Variants in ARMH1 observed in about 807,000 individuals in gnomAD.
The protein encoded by ARMH1 is armadillo like helical domain containing 1.
Under a neutral mutation model 50.2 loss-of-function variants are expected in ARMH1, and 34 were observed. The ratio of observed to expected loss-of-function variants is 0.68; its 90% CI spans 0.51 to 0.90. ARMH1 has a LOEUF of 0.90. Among genes scored for constraint, ARMH1 ranks in the 40% least tolerant of loss-of-function variants. The pLI, the probability that ARMH1 is intolerant of heterozygous loss-of-function variation, is 0.00. For missense variants in ARMH1, 538 were observed against 553.9 expected (o/e 0.97, Z 0.29); for synonymous variants, 221 against 224.2 (o/e 0.99, Z 0.13).
chr1:44,709,498 C>T (rs547389483), intron 6 of ARMH1, among the ~76,000 whole-genome samples: 2 of 152,082 alleles, frequency 1.3e-5, no homozygotes, highest in South Asian at 2.1e-4. Context: ...CGGTGAAACC[C>T]CATCTCTACT....
intron 1 of ARMH1, among the ~76,000 whole-genome samples, chr1:44,677,352 T>G (rs1573261792): frequency 6.6e-6 from 1 of 152,174 alleles, no homozygotes; most frequent in Non-Finnish European, 1.5e-5. Flanking sequence ...TACACAGAGG[T>G]TAGTTTAATT....
rs558961615 is a variant in ARMH1, at chr1:44,677,870, G to A, written c.-23+2997G>A. Reference sequence around the variant, plus strand: ...AAGTAGTAAGGGCTTTTACAAGAAGGAGGTGGAATAAGGAACTGAGTTGGG... The same window carrying A: ...AAGTAGTAAGGGCTTTTACAAGAAGAAGGTGGAATAAGGAACTGAGTTGGG... On this transcript the variant is annotated intron_variant, in intron 1 of 11. Transcript: ENST00000535358. Among the ~76,000 whole-genome samples the A allele has an allele frequency of 3.3e-5, 5 of 152,302 alleles. No individual in the cohort carries two copies. The South Asian group carries it at 1.0e-3, about 32-fold the overall frequency.
intron 6 of ARMH1, among the ~76,000 whole-genome samples, chr1:44,718,420 A>T (rs1354234460): frequency 6.6e-6 from 1 of 152,260 alleles, no homozygotes; most frequent in Non-Finnish European, 1.5e-5. Context: ...ATGGTAGAAC[A>T]AGTGAGAAAT....
Position 44,678,457 on chromosome 1 carries a change from G to C in ARMH1, c.-23+3584G>C, listed in dbSNP as rs547879642. Among the ~76,000 whole-genome samples, 3 of 152,184 alleles carry C rather than the reference G, an allele frequency of 2.0e-5. No homozygotes were observed. In the East Asian group the frequency reaches 5.8e-4, roughly 29 times the overall value. On this transcript the variant is annotated intron_variant, in intron 1 of 11. Coordinates refer to ENST00000535358, the MANE Select transcript of ARMH1 (RefSeq NM_001145636.2). ...GAAGTGATGAGTAGCAGGGGTAGGG[G>C]TATCTGCCAGGGTATGACTGGGGAG...
intron 4 of ARMH1, among the ~76,000 whole-genome samples, chr1:44,700,024 T>C (rs980110306): frequency 6.6e-6 from 1 of 151,792 alleles, no homozygotes; most frequent in Non-Finnish European, 1.5e-5. Context: ...CAGACAGGGT[T>C]TCACCATGTT....
At chr1:44,710,556 C>G (rs1375280225) in intron 6 of ARMH1, among the ~76,000 whole-genome samples, 1 of 144,148 alleles carries the variant, frequency 6.9e-6, no homozygotes, top group Non-Finnish European at 1.5e-5. Context: ...TTGCAGTGAG[C>G]CGAGATCATG....
At chr1:44,721,564 T>TA (rs959683616) in intron 6 of ARMH1, among the ~76,000 whole-genome samples, 11 of 151,812 alleles carry the variant, frequency 7.2e-5, no homozygotes, top group African/African-American at 2.2e-4. Flanking sequence ...TACAAGAAGC[T>TA]AAAAAAACAT....
chr1:44,676,841 T>C (rs1386386905), intron 1 of ARMH1, among the ~76,000 whole-genome samples: 2 of 152,192 alleles, frequency 1.3e-5, no homozygotes, highest in East Asian at 3.8e-4. Context: ...AAACACAGGT[T>C]TTTATTCGGA....
chr1:44,721,909 T>G (rs557441009), intron 6 of ARMH1: 3 of 152,236 alleles, frequency 2.0e-5, no homozygotes, highest in Admixed American at 6.5e-5. Flanking sequence ...GATCTGCCTG[T>G]TAGCCTTTTG....
chr1:44,722,764 TTAC>T (rs1279741723), intron 6 of ARMH1, among the ~76,000 whole-genome samples: 1 of 142,954 alleles, frequency 7.0e-6, no homozygotes, highest in Non-Finnish European at 1.5e-5. Flanking sequence ...ATACTAGCAT[TTAC>T]TGGCTGGGCC....
At chr1:44,721,689 A>C (rs767536083) in intron 6 of ARMH1, 3 of 151,712 alleles carry the variant, frequency 2.0e-5, no homozygotes, top group African/African-American at 4.8e-5. Flanking sequence ...CGACCACACC[A>C]CTCCGCTACA....
At chr1:44,698,553 G>A (rs1645906357) in intron 4 of ARMH1, among the ~76,000 whole-genome samples, 1 of 152,136 alleles carries the variant, frequency 6.6e-6, no homozygotes. Flanking sequence ...GCTCACACCT[G>A]TAATCCCAGC....
Position 44,698,185 on chromosome 1 carries a change from C to T in ARMH1, c.398C>T (p.Ala133Val), listed in dbSNP as rs746186542. The T allele has an allele frequency of 5.8e-6, 9 of 1,552,058 alleles. No individual in the cohort carries two copies. The Admixed American group carries it at 9.8e-5, about 17-fold the overall frequency. Residue 133 changes from alanine to valine, a missense_variant, in exon 4 of 12, where the codon GCG becomes GTG. Transcript: ENST00000535358. The stretch of plus-strand genomic sequence containing the variant: ...TCTGTCAAACTACTTCAGGTTATTG[C>T]GAACTCTGGCAGGACATACAAGGAA... ...KESVKLLQVIANSGRTYKELI... is the reference protein window; with the variant it reads ...KESVKLLQVIVNSGRTYKELI...
At chr1:44,709,232 C>T (rs111555911) in intron 6 of ARMH1, among the ~76,000 whole-genome samples, 1 of 152,180 alleles carries the variant, frequency 6.6e-6, no homozygotes, top group African/African-American at 2.4e-5. Flanking sequence ...GCTTGTTTCT[C>T]CTGTTTCTCT....
chr1:44,688,361 T>G (rs1470209799), intron 1 of ARMH1: 2 of 152,250 alleles, frequency 1.3e-5, no homozygotes, highest in Non-Finnish European at 2.9e-5. Flanking sequence ...CCTCAGATTA[T>G]TGCTTCCTAA....
chr1:44,707,066 TC>T (rs1278958431), intron 6 of ARMH1, among the ~76,000 whole-genome samples: 3 of 152,004 alleles, frequency 2.0e-5, no homozygotes, highest in Non-Finnish European at 4.4e-5. Flanking sequence ...CAGCCCTTCT[TC>T]CTTTGAACCA....
At chr1:44,711,157 AT>A (rs1646596724) in intron 6 of ARMH1, among the ~76,000 whole-genome samples, 3 of 152,220 alleles carry the variant, frequency 2.0e-5, no homozygotes, top group African/African-American at 7.2e-5. Context: ...TTCTATGAAC[AT>A]CCACATACAT....
Position 44,698,218 on chromosome 1 carries a change from G to T in ARMH1, c.431G>T (p.Cys144Phe). ...NSGRTYKELICESYGVRSIAE... is the reference protein window; with the variant it reads ...NSGRTYKELIFESYGVRSIAE... ...GGCAGGACATACAAGGAACTCATTT[G>T]TGAAAGCTATGGTGGGTACTGTGTG... The change falls in exon 4 of 12, where the codon TGT (cysteine) becomes TTT (phenylalanine). Residue 144 changes from cysteine (C) to phenylalanine (F), a missense_variant. Cys to Phe is a radical substitution (Grantham distance 205). Transcript: ENST00000535358. The T allele has an allele frequency of 6.4e-7, 1 of 1,551,910 alleles. No individual in the cohort carries two copies. The highest frequency in any genetic ancestry group is 8.7e-7 in the Non-Finnish European group (1 of 1,146,854).
intron 6 of ARMH1, among the ~76,000 whole-genome samples, chr1:44,711,699 T>G (rs951639092): frequency 6.6e-6 from 1 of 152,204 alleles, no homozygotes; most frequent in Admixed American, 6.5e-5. Context: ...GGCACTGGGG[T>G]GGGCACTGAG....
Sources: gnomAD v4.1 joint callset for allele counts (sites outside exome capture counted in the v4.1 genomes callset) on GRCh38, gnomAD v4.1.1 for gene constraint, MANE v1.5 for transcripts, NCBI Gene and HGNC (gene_info 2026-07-23, HGNC 2026-07-21) for gene names.